Variants in SRRM3 observed in about 807,000 individuals in gnomAD.
SRRM3 encodes the protein serine/arginine repetitive matrix 3.
SRRM3 carries 27 observed loss-of-function variants against 66.2 expected under a neutral mutation model. The observed-to-expected ratio is 0.41, with a 90% confidence interval of 0.30 to 0.56. The LOEUF is 0.56. Among genes scored for constraint, SRRM3 ranks in the 20% least tolerant of loss-of-function variants. The probability of loss-of-function intolerance (pLI) is 0.32; values close to 1 mark genes in which losing one functional copy is unlikely to be tolerated. For synonymous variants in SRRM3, 391 were observed against 414.9 expected (o/e 0.94, Z 0.70); for missense variants, 918 against 991.9 (o/e 0.93, Z 1.00).
chr7:76,228,429 A>G (rs1788873359), intron 1 of SRRM3, among the ~76,000 whole-genome samples: 1 of 152,130 alleles, frequency 6.6e-6, no homozygotes, highest in Non-Finnish European at 1.5e-5. Flanking sequence ...GGGCGAAGTC[A>G]ACAATCTGTG....
chr7:76,243,096 A>G (rs1801350729), intron 2 of SRRM3, among the ~76,000 whole-genome samples: 1 of 152,164 alleles, frequency 6.6e-6, no homozygotes, highest in Non-Finnish European at 1.5e-5. Flanking sequence ...ACTGAGGATC[A>G]CATTTCAACA....
chr7:76,205,988 G>C (rs1284729026), intron 1 of SRRM3, among the ~76,000 whole-genome samples: 1 of 152,122 alleles, frequency 6.6e-6, no homozygotes, highest in Admixed American at 6.6e-5. Context: ...TCGTGGGTGG[G>C]GGGTCATCTG....
chr7:76,271,650 A>G (rs1204170097), intron 11 of SRRM3, among the ~76,000 whole-genome samples: 1 of 152,108 alleles, frequency 6.6e-6, no homozygotes, highest in Non-Finnish European at 1.5e-5. Flanking sequence ...CTCAAAACAA[A>G]CAACAACAAC....
At chr7:76,283,768 C>T (rs10224893) in intron 14 of SRRM3, 14,877 of 984,998 alleles carry the variant, frequency 0.015, 484 homozygotes, top group African/African-American at 0.12. Flanking sequence ...GTGCCCAGGG[C>T]GTGGCTGGTG....
intron 8 of SRRM3, among the ~76,000 whole-genome samples, chr7:76,263,219 T>C (rs534051424): frequency 3.7e-4 from 57 of 152,292 alleles, no homozygotes; most frequent in Admixed American, 1.5e-3. Context: ...CAACTTCCAA[T>C]GGGGAGACTG....
At chr7:76,263,797 TGC>T (rs1407800715) in intron 8 of SRRM3, among the ~76,000 whole-genome samples, 1 of 140,288 alleles carries the variant, frequency 7.1e-6, no homozygotes, top group Non-Finnish European at 1.5e-5. Context: ...TGCTTGAACC[TGC>T]AAGGTGGAGG....
intron 11 of SRRM3, among the ~76,000 whole-genome samples, chr7:76,276,342 C>G (rs147797357): frequency 1.3e-5 from 2 of 152,022 alleles, no homozygotes; most frequent in Admixed American, 1.3e-4. Flanking sequence ...GGAGGACGGA[C>G]GAAGACCACT....
intron 12 of SRRM3, among the ~76,000 whole-genome samples, chr7:76,282,329 C>G (rs147323861): frequency 1.5e-5 from 2 of 135,416 alleles, no homozygotes; most frequent in African/African-American, 5.5e-5. Context: ...CACAACTGAT[C>G]CGTCTCCCCT....
intron 11 of SRRM3, among the ~76,000 whole-genome samples, chr7:76,281,065 CTCTCTT>C (rs1802485100): frequency 6.7e-6 from 1 of 148,834 alleles, no homozygotes. Context: ...CTTTCGCCCT[CTCTCTT>C]TCTCATCTCT....
At chr7:76,223,831 C>T (rs1800781957) in intron 1 of SRRM3, among the ~76,000 whole-genome samples, 1 of 45,474 alleles carries the variant, frequency 2.2e-5, no homozygotes, top group African/African-American at 2.0e-4. Context: ...CCTTCCCTTC[C>T]CTTCCCTTCC....
intron 11 of SRRM3, among the ~76,000 whole-genome samples, chr7:76,277,087 C>T (rs1315248782): frequency 6.6e-6 from 1 of 152,190 alleles, no homozygotes; most frequent in African/African-American, 2.4e-5. Flanking sequence ...CATCTTGGGC[C>T]ATGGCAGGCC....
Position 76,281,751 on chromosome 7 carries a change from G to A in SRRM3, c.1319G>A (p.Gly440Asp), listed in dbSNP as rs782102737. The stretch of plus-strand genomic sequence containing the variant: ...TCCGGCAGCGGCCGCGGCGCCCCCG[G>A]CCCCGGGCCCGAGCCCGGCTCTGAG... ...SDSGSGRGAPGPGPEPGSERG... is the reference protein window; with the variant it reads ...SDSGSGRGAPDPGPEPGSERG... Residue 440 changes from glycine to aspartate, a missense_variant, in exon 12 of 15, where the codon GGC (glycine) becomes GAC (aspartate). Coordinates refer to ENST00000611745, the MANE Select transcript of SRRM3 (RefSeq NM_001110199.3). 7 of 1,363,958 alleles carry A rather than the reference G, an allele frequency of 5.1e-6. No homozygotes were observed. The South Asian group carries it at 1.0e-4, about 20-fold the overall frequency. 84.5% of individuals were successfully genotyped at this position (1,363,958 alleles called of 1,614,324 possible). A position where few individuals can be genotyped will look rare whatever the true frequency, so the allele number is the denominator to read the frequency against.
In SRRM3 at chr7:76,261,539, C is replaced by T. The variant is rs1801870468; in HGVS notation, c.639-7C>T. On this transcript the variant is annotated splice_region_variant and splice_polypyrimidine_tract_variant and intron_variant, in intron 7 of 14. Transcript: ENST00000611745. ...AGGCTCAAGAGAACTCCTTTATCGC[C>T]CTACAGGTCTGATTCTGGGTCCCGG... The T allele has an allele frequency of 1.9e-6, 3 of 1,611,490 alleles. No individual in the cohort carries two copies. Among genetic ancestry groups the T allele is most frequent in the South Asian group, 1.1e-5 (1 of 90,500 alleles).
At chr7:76,204,295 T>C (rs1554600894) in intron 1 of SRRM3, among the ~76,000 whole-genome samples, 1 of 152,050 alleles carries the variant, frequency 6.6e-6, no homozygotes, top group African/African-American at 2.4e-5. Flanking sequence ...GGGGCACCAA[T>C]GGGGAGGTTA....
At chr7:76,266,112 C>T in intron 10 of SRRM3, among the ~76,000 whole-genome samples, 1 of 76,474 alleles carries the variant, frequency 1.3e-5, no homozygotes, top group South Asian at 3.1e-4. Context: ...TCGTGATCCG[C>T]CCGCCTCGGC....
chr7:76,210,781 G>C (rs1321863162), intron 1 of SRRM3, among the ~76,000 whole-genome samples: 3 of 151,990 alleles, frequency 2.0e-5, no homozygotes, highest in Non-Finnish European at 4.4e-5. Flanking sequence ...GAGCAGGACA[G>C]TCCTTGAGCC....
intron 3 of SRRM3, among the ~76,000 whole-genome samples, chr7:76,250,083 G>A (rs185478847): frequency 6.6e-6 from 1 of 151,850 alleles, no homozygotes; most frequent in African/African-American, 2.4e-5. Flanking sequence ...TTGCTCTGTT[G>A]CCCAGGCTGG....
intron 11 of SRRM3, among the ~76,000 whole-genome samples, chr7:76,275,384 G>C (rs1170897583): frequency 6.6e-6 from 1 of 151,576 alleles, no homozygotes; most frequent in Non-Finnish European, 1.5e-5. Flanking sequence ...AGCTACTCAG[G>C]AGGCTAAGGC....
chr7:76,213,663 C>G (rs1800490655), intron 1 of SRRM3, among the ~76,000 whole-genome samples: 1 of 152,106 alleles, frequency 6.6e-6, no homozygotes. Flanking sequence ...AATTCTCTCT[C>G]AGGGTTTCTC....
Sources: allele counts gnomAD v4.1 joint callset (sites outside exome capture counted in the v4.1 genomes callset), GRCh38; gene constraint gnomAD v4.1.1; transcripts MANE v1.5; gene names NCBI Gene and HGNC (gene_info 2026-07-23, HGNC 2026-07-21).